Variants in PLXNC1 observed in about 807,000 individuals in gnomAD.
PLXNC1 encodes the protein plexin-C1.
A neutral mutation model predicts 178.2 loss-of-function variants in PLXNC1; 75 were observed. The ratio of observed to expected loss-of-function variants is 0.42; its 90% confidence interval spans 0.35 to 0.51. The LOEUF is 0.51. Among genes scored for constraint, PLXNC1 ranks in the 20% least tolerant of loss-of-function variants. The pLI is 0.02. For missense variants in PLXNC1, 1,503 were observed against 1,984.4 expected, an observed-to-expected ratio of 0.76 and a Z score of 4.61; for synonymous variants, 790 against 779.9, an observed-to-expected ratio of 1.01 and a Z score of -0.22.
At chr12:94,159,993 A>G (rs1592719568) in intron 1 of PLXNC1, among the ~76,000 whole-genome samples, 1 of 152,218 alleles carries the variant, frequency 6.6e-6, no homozygotes, top group Non-Finnish European at 1.5e-5. Context: ...TGGAGGACCA[A>G]TTAGAGGATG....
At chr12:94,296,999 C>T (rs1025327294) in intron 24 of PLXNC1, among the ~76,000 whole-genome samples, 190 bp from the exon 25 acceptor site, 1 of 152,188 alleles carries the variant, frequency 6.6e-6, no homozygotes, top group Non-Finnish European at 1.5e-5. Flanking sequence ...CCTCACCCGT[C>T]CCATCTTCAC....
Position 94,181,851 on chromosome 12 carries a change from C to T in PLXNC1, c.1338+271C>T, listed in dbSNP as rs186714921. On this transcript the variant is annotated intron_variant, in intron 3 of 30. Transcript: ENST00000258526. ...AGAGGAGGGTGTGCTTGGAAATGGG[C>T]GCATAATCAGCAAGGTAACTGAATT... 1.5e-4 allele frequency among the ~76,000 whole-genome samples: 23 copies of T among 152,092 alleles called. No homozygotes were observed. The East Asian group carries it at 2.5e-3, about 17-fold the overall frequency.
intron 5 of PLXNC1, among the ~76,000 whole-genome samples, chr12:94,214,471 C>T (rs981660852): frequency 1.3e-5 from 2 of 152,150 alleles, no homozygotes; most frequent in African/African-American, 4.8e-5. Context: ...AAGCCCTGTC[C>T]ACTGCAGTAA....
chr12:94,173,471 C>T (rs1206284383), intron 2 of PLXNC1, among the ~76,000 whole-genome samples: 3 of 152,202 alleles, frequency 2.0e-5, no homozygotes, highest in Non-Finnish European at 1.5e-5. Flanking sequence ...AGAATAATCG[C>T]TAACATTTCT....
intron 9 of PLXNC1, among the ~76,000 whole-genome samples, chr12:94,228,966 T>A (rs1057293938): frequency 3.3e-5 from 5 of 152,356 alleles, no homozygotes; most frequent in African/African-American, 9.6e-5. Context: ...TTTGGTTTTT[T>A]GAAGAACCAT....
intron 4 of PLXNC1, among the ~76,000 whole-genome samples, chr12:94,199,022 G>C (rs948818274): frequency 1.3e-5 from 2 of 152,180 alleles, no homozygotes; most frequent in Non-Finnish European, 2.9e-5. Flanking sequence ...ACATGTCACA[G>C]AGTAAACAGG....
At chr12:94,163,337 G>A (rs1305564954) in intron 1 of PLXNC1, among the ~76,000 whole-genome samples, 2 of 152,174 alleles carry the variant, frequency 1.3e-5, no homozygotes, top group African/African-American at 4.8e-5. Flanking sequence ...CAGCCTGGGC[G>A]ACACAGTGAG....
intron 23 of PLXNC1, among the ~76,000 whole-genome samples, chr12:94,289,981 C>T (rs1454521273): frequency 2.6e-5 from 4 of 152,198 alleles, no homozygotes; most frequent in East Asian, 1.9e-4. Context: ...GCACTAGCAG[C>T]GGGCTGTTGC....
chr12:94,261,403 G>A (rs1273797005), intron 20 of PLXNC1, among the ~76,000 whole-genome samples: 1 of 152,190 alleles, frequency 6.6e-6, no homozygotes, highest in African/African-American at 2.4e-5. Context: ...GGAGAAGAGG[G>A]TGGGCCCTAA....
intron 17 of PLXNC1, among the ~76,000 whole-genome samples, chr12:94,257,895 C>A (rs1022492708): frequency 6.9e-6 from 1 of 145,270 alleles, no homozygotes; most frequent in Non-Finnish European, 1.5e-5. Context: ...GGCGACAGAG[C>A]GAGACTCTGT....
rs1383412287 is a variant in PLXNC1, at chr12:94,149,182, A to C, written c.211A>C (p.Ser71Arg). The C allele has an allele frequency of 1.3e-6, 2 of 1,589,378 alleles. No homozygotes were observed. The highest frequency in any genetic ancestry group is 1.7e-6 in the Non-Finnish European group (2 of 1,172,018). ...CAGCTGCCTGGACCAGCTGGACTAC[A>C]GCCTGGAGCACAGCCTCTCGCGCCT... ...SGSCLDQLDY[S>R]LEHSLSRLYR... Residue 71 changes from serine to arginine, a missense_variant, in exon 1 of 31, where the codon AGC (serine) becomes CGC (arginine). Ser to Arg is a moderately radical substitution (Grantham distance 110). Coordinates refer to ENST00000258526, the MANE Select transcript of PLXNC1 (RefSeq NM_005761.3).
At chr12:94,219,508 A>G (rs1291647674) in intron 5 of PLXNC1, among the ~76,000 whole-genome samples, 1 of 152,226 alleles carries the variant, frequency 6.6e-6, no homozygotes, top group Non-Finnish European at 1.5e-5. Context: ...CATAAGCTAG[A>G]GTTTGGGAAG....
rs1964580478 is a variant in PLXNC1, at chr12:94,248,024, C to A, written c.2510C>A (p.Thr837Asn). 6.2e-7 allele frequency: 1 copy of A among 1,614,088 alleles called. No homozygotes were observed. Among genetic ancestry groups the A allele is most frequent in the Non-Finnish European group, 8.5e-7 (1 of 1,179,984 alleles). ...RVQDTYLDCG[T>N]LQYREDPRFT... ...CAAGACACCTACTTGGATTGTGGAA[C>A]CCTGCAGTATCGGGAGGACCCCAGA... The change falls in exon 13 of 31, where the codon ACC becomes AAC. Residue 837 changes from threonine (T) to asparagine (N), a missense_variant. Thr to Asn is a moderately conservative substitution (Grantham distance 65). Transcript: ENST00000258526.
intron 5 of PLXNC1, among the ~76,000 whole-genome samples, chr12:94,214,777 C>T (rs1241497149): frequency 6.6e-6 from 1 of 152,174 alleles, no homozygotes; most frequent in African/African-American, 2.4e-5. Context: ...GCATTAAAAC[C>T]ATTTTTACTA....
intron 11 of PLXNC1, among the ~76,000 whole-genome samples, chr12:94,242,302 A>AT (rs59056862): frequency 0.031 from 3,052 of 97,352 alleles, 324 homozygotes; most frequent in African/African-American, 0.092. Flanking sequence ...AATCTCCCCA[A>AT]TTTTTTTTTT....
chr12:94,177,235 A>ATATATATATATATATATG (rs1555195673), intron 2 of PLXNC1, among the ~76,000 whole-genome samples: 1 of 81,576 alleles, frequency 1.2e-5, no homozygotes, highest in Non-Finnish European at 2.4e-5. Context: ...ATATACATAT[A>ATATATATATATATATATG]TATATATATA....
At chr12:94,215,261 A>T (rs1265125590) in intron 5 of PLXNC1, among the ~76,000 whole-genome samples, 2 of 152,198 alleles carry the variant, frequency 1.3e-5, no homozygotes, top group Non-Finnish European at 1.5e-5. Flanking sequence ...CATAAAGAAA[A>T]ATAAAAACAA....
chr12:94,262,866 A>G (rs915172172), intron 20 of PLXNC1: 18 of 799,158 alleles, frequency 2.3e-5, no homozygotes, highest in Non-Finnish European at 2.7e-5. Flanking sequence ...ATCTTTTCTC[A>G]TTTCATCCCC....
rs145853333 is a variant in PLXNC1, at chr12:94,197,966, G to A, written c.1439+11493G>A. ...CCATCTTGAAAGCTTAGGCAACCAT[G>A]CATTCATTTAACAGGTATTTACTGA... On this transcript the variant is annotated intron_variant, in intron 4 of 30. Transcript: ENST00000258526. Among the ~76,000 whole-genome samples, 110 of 152,248 alleles carry A rather than the reference G, an allele frequency of 7.2e-4. 1 individual carries two copies. Among genetic ancestry groups the A allele is most frequent in the African/African-American group, 2.6e-3 (106 of 41,540 alleles).
Sources: allele counts gnomAD v4.1 joint callset (sites outside exome capture counted in the v4.1 genomes callset), GRCh38; gene constraint gnomAD v4.1.1; transcripts MANE v1.5; gene names NCBI Gene and HGNC (gene_info 2026-07-23, HGNC 2026-07-21).